Variants in TEAD1 observed in about 807,000 individuals in gnomAD.
TEAD1 encodes TEA domain transcription factor 1, also known as transcriptional enhancer factor TEF-1.
A neutral mutation model predicts 54.9 loss-of-function variants in TEAD1; 9 were observed. The ratio of observed to expected loss-of-function variants is 0.16; its 90% CI spans 0.10 to 0.29. The LOEUF is 0.29. Ranked by LOEUF, TEAD1 falls within the 10% of genes least tolerant of loss-of-function variation. The pLI, the probability that TEAD1 is intolerant of heterozygous loss-of-function variation, is 1.00. For missense variants in TEAD1, 387 were observed against 535.9 expected, an observed-to-expected ratio of 0.72 and a Z score of 2.74; for synonymous variants, 200 against 187.8, an observed-to-expected ratio of 1.07 and a Z score of -0.53.
chr11:12,845,956 A>C (rs1947139450), intron 3 of TEAD1, among the ~76,000 whole-genome samples: 1 of 152,196 alleles, frequency 6.6e-6, no homozygotes, highest in Admixed American at 6.5e-5. Context: ...AAAGGCACGA[A>C]TCATCCAGCA....
chr11:12,857,103 C>T (rs1947399812), intron 3 of TEAD1, among the ~76,000 whole-genome samples: 1 of 152,324 alleles, frequency 6.6e-6, no homozygotes, highest in South Asian at 2.1e-4. Context: ...TGGGATCTCT[C>T]TCTGTATTGC....
At chr11:12,759,866 G>C (rs547273114) in intron 2 of TEAD1, among the ~76,000 whole-genome samples, 2 of 151,934 alleles carry the variant, frequency 1.3e-5, no homozygotes, top group South Asian at 4.1e-4. Flanking sequence ...CATCTCAAAA[G>C]CAAAAAAAAT....
At chr11:12,826,077 A>G (rs1459754141) in intron 3 of TEAD1, among the ~76,000 whole-genome samples, 1 of 152,256 alleles carries the variant, frequency 6.6e-6, no homozygotes, top group Non-Finnish European at 1.5e-5. Context: ...TTAGCACAAC[A>G]TAATAAAAAG....
chr11:12,727,894 CT>C (rs921926565), intron 2 of TEAD1, among the ~76,000 whole-genome samples: 46 of 148,604 alleles, frequency 3.1e-4, no homozygotes, highest in East Asian at 9.8e-4. Context: ...ATATCCATAT[CT>C]TTTTTTTTTT....
At chr11:12,737,843 T>C (rs577009751) in intron 2 of TEAD1, among the ~76,000 whole-genome samples, 2 of 152,318 alleles carry the variant, frequency 1.3e-5, no homozygotes, top group Middle Eastern at 3.4e-3. Context: ...TTTACGCTGC[T>C]GATAAAGGCA....
intron 9 of TEAD1, among the ~76,000 whole-genome samples, chr11:12,889,467 C>G (rs1011795461): frequency 6.6e-6 from 1 of 152,206 alleles, no homozygotes. Context: ...CTGTGTGTCT[C>G]ATGCCTGTTG....
At chr11:12,885,656 T>C (rs1269965155) in intron 9 of TEAD1, among the ~76,000 whole-genome samples, 4 of 152,238 alleles carry the variant, frequency 2.6e-5, no homozygotes, top group Non-Finnish European at 5.9e-5. Context: ...TGATTTTTGC[T>C]TCCCTGGTTA....
intron 2 of TEAD1, among the ~76,000 whole-genome samples, chr11:12,740,510 G>T (rs902456103): frequency 6.6e-6 from 1 of 152,168 alleles, no homozygotes; most frequent in African/African-American, 2.4e-5. Context: ...CTGAACGTGG[G>T]TAATTTATAA....
At chr11:12,877,716 C>G (rs1947881344) in intron 5 of TEAD1, among the ~76,000 whole-genome samples, 1 of 151,370 alleles carries the variant, frequency 6.6e-6, no homozygotes, top group South Asian at 2.1e-4. Context: ...TTTTTCCCCC[C>G]TCCCCTCCCT....
chr11:12,840,466 G>T (rs7119925), intron 3 of TEAD1, among the ~76,000 whole-genome samples: 1 of 152,030 alleles, frequency 6.6e-6, no homozygotes, highest in Non-Finnish European at 1.5e-5. Context: ...TTGTAAAGAG[G>T]TCAGTCCAAA....
chr11:12,849,930 G>A (rs573874903), intron 3 of TEAD1, among the ~76,000 whole-genome samples: 1 of 152,184 alleles, frequency 6.6e-6, no homozygotes, highest in South Asian at 2.1e-4. Flanking sequence ...ACAATTTTTA[G>A]GACCATGTCA....
chr11:12,864,906 C>T lies in TEAD1; in HGVS notation c.330+6C>T, dbSNP rs1014244310. ...ATTTTCATTCCAAGCTAAAGGTATG[C>T]GCTTTTCTGCTTTTTGGCTTGTGGT... is the stretch of plus-strand genomic sequence containing the variant. On this transcript the variant is annotated splice_donor_region_variant and intron_variant, in intron 5 of 12. Coordinates refer to ENST00000527636, the MANE Select transcript of TEAD1 (RefSeq NM_021961.6). The T allele has an allele frequency of 5.0e-6, 8 of 1,614,060 alleles. No homozygotes were observed. The highest frequency in any genetic ancestry group is 1.3e-5 in the African/African-American group (1 of 75,010).
intron 2 of TEAD1, among the ~76,000 whole-genome samples, chr11:12,756,908 T>A (rs1396582720): frequency 1.3e-5 from 2 of 152,228 alleles, no homozygotes; most frequent in Admixed American, 6.5e-5. Flanking sequence ...TGAATTTGGT[T>A]TTGAGGTACC....
intron 2 of TEAD1, among the ~76,000 whole-genome samples, chr11:12,761,070 C>T (rs1283676169): frequency 6.6e-6 from 1 of 152,172 alleles, no homozygotes; most frequent in Admixed American, 6.5e-5. Context: ...AGTCTGGATA[C>T]ACAGGGTCTT....
intron 2 of TEAD1, among the ~76,000 whole-genome samples, chr11:12,721,303 C>T (rs1003039197): frequency 6.6e-6 from 1 of 152,286 alleles, no homozygotes; most frequent in Admixed American, 6.5e-5. Context: ...ATGAGATGAC[C>T]AGGTTCAGGA....
At chr11:12,736,292 TTTTTG>T (rs556294929) in intron 2 of TEAD1, among the ~76,000 whole-genome samples, 2 of 152,322 alleles carry the variant, frequency 1.3e-5, no homozygotes, top group African/African-American at 4.8e-5. Flanking sequence ...GTTTTCTAGC[TTTTTG>T]TTTTGTTTTG....
At chr11:12,781,518 G>T (rs1420798809) in intron 3 of TEAD1, among the ~76,000 whole-genome samples, 1 of 151,844 alleles carries the variant, frequency 6.6e-6, no homozygotes, top group Non-Finnish European at 1.5e-5. Flanking sequence ...GATCTGACTG[G>T]ACCTTTCCTT....
At chr11:12,857,467 G>A (rs1947411481) in intron 3 of TEAD1, among the ~76,000 whole-genome samples, 1 of 152,144 alleles carries the variant, frequency 6.6e-6, no homozygotes, top group Non-Finnish European at 1.5e-5. Flanking sequence ...CGGTCCCCAG[G>A]TGACTGCAGG....
At chr11:12,724,937 T>TG (rs1554925341) in intron 2 of TEAD1, among the ~76,000 whole-genome samples, 1 of 152,172 alleles carries the variant, frequency 6.6e-6, no homozygotes, top group Non-Finnish European at 1.5e-5. Context: ...GGCAGTGCCC[T>TG]GGGGCTTTGC....
Sources: allele counts gnomAD v4.1 joint callset (sites outside exome capture counted in the v4.1 genomes callset), GRCh38; gene constraint gnomAD v4.1.1; transcripts MANE v1.5; gene names NCBI Gene and HGNC (gene_info 2026-07-23, HGNC 2026-07-21).